The following PPIP5K2 variants were observed in gnomAD, a reference collection of about 807,000 sequenced individuals.
The protein encoded by PPIP5K2 is diphosphoinositol pentakisphosphate kinase 2.
PPIP5K2 carries 105 observed loss-of-function variants against 154.6 expected under a neutral mutation model. The observed-to-expected ratio is 0.68, with a 90% CI of 0.58 to 0.80. The LOEUF (loss-of-function observed/expected upper bound fraction) is 0.80. Ranked by LOEUF, PPIP5K2 falls within the 30% of genes least tolerant of loss-of-function variation. The probability of loss-of-function intolerance (pLI) is 0.00; values close to 1 mark genes in which losing one functional copy is unlikely to be tolerated. For synonymous variants in PPIP5K2, 480 were observed against 490.3 expected (o/e 0.98, Z 0.28); for missense variants, 992 against 1,504.6 (o/e 0.66, Z 5.64).
intron 5 of PPIP5K2, among the ~76,000 whole-genome samples, chr5:103,146,036 C>G (rs1793699793): frequency 6.6e-6 from 1 of 152,036 alleles, no homozygotes; most frequent in Middle Eastern, 3.4e-3. Context: ...TTAAAAATAA[C>G]ATTTAAAAAA....
intron 17 of PPIP5K2, among the ~76,000 whole-genome samples, chr5:103,164,680 A>G (rs1796867017): frequency 6.6e-6 from 1 of 152,166 alleles, no homozygotes; most frequent in South Asian, 2.1e-4. Flanking sequence ...AAGCATACAT[A>G]TAGATATTCT....
intron 23 of PPIP5K2, among the ~76,000 whole-genome samples, chr5:103,178,219 T>C (rs1799002542): frequency 6.6e-6 from 1 of 152,002 alleles, no homozygotes. Flanking sequence ...TTAGAATGGA[T>C]AACCTTAAAC....
rs781891210 is a variant in PPIP5K2, at chr5:103,184,752, G to A, written c.3169+8G>A. 2.5e-6 allele frequency: 4 copies of A among 1,606,236 alleles called. No individual in the cohort carries two copies. The East Asian group carries it at 6.7e-5, about 27-fold the overall frequency. The stretch of plus-strand genomic sequence containing the variant: ...AGCAGAATCCTACTGTAGGTATGTG[G>A]TGTAAAGGAAATTGTGTTCCATACC... On this transcript the variant is annotated splice_region_variant and intron_variant, in intron 26 of 30. Coordinates refer to ENST00000358359, the MANE Select transcript of PPIP5K2 (RefSeq NM_001276277.3).
intron 9 of PPIP5K2, among the ~76,000 whole-genome samples, 183 bp downstream of exon 9, chr5:103,151,557 A>G (rs781975586): frequency 7.9e-5 from 12 of 151,396 alleles, no homozygotes; most frequent in Non-Finnish European, 1.6e-4. Flanking sequence ...AAGACAGATT[A>G]ATTTATGATC....
At chr5:103,133,398 G>T (rs1554203211) in intron 2 of PPIP5K2, 55 bp from the exon 3 acceptor site, 2 of 1,472,350 alleles carry the variant, frequency 1.4e-6, no homozygotes, top group Admixed American at 2.1e-5. Context: ...GAAGATAGCT[G>T]TACTTTGGAG....
Position 103,203,463 on chromosome 5 carries a change from C to CT in PPIP5K2, c.*1830dup, listed in dbSNP as rs1180928211. 2 of 152,154 alleles carry CT rather than the reference C, an allele frequency of 1.3e-5. No individual in the cohort carries two copies. Among genetic ancestry groups the CT allele is most frequent in the Non-Finnish European group, 2.9e-5 (2 of 68,032 alleles). 9.4% of individuals were successfully genotyped at this position (152,154 alleles called of 1,614,324 possible). ...AGTATTGCTCTGTAGACTAGACACT[C>CT]TATTTGTAAAAATCTTAGAATCACT... On this transcript the variant is annotated 3_prime_UTR_variant, in exon 31 of 31. Coordinates refer to ENST00000358359, the MANE Select transcript of PPIP5K2 (RefSeq NM_001276277.3).
At chr5:103,145,762 A>T (rs1793653636) in intron 5 of PPIP5K2, among the ~76,000 whole-genome samples, 2 of 145,718 alleles carry the variant, frequency 1.4e-5, no homozygotes, top group Admixed American at 1.4e-4. Flanking sequence ...AAGTGAGGAT[A>T]GTTAGTGAGT....
intron 30 of PPIP5K2, among the ~76,000 whole-genome samples, chr5:103,198,577 CT>C (rs1451988986): frequency 6.6e-6 from 1 of 152,060 alleles, no homozygotes; most frequent in Admixed American, 6.6e-5. Context: ...TGTTTTGGAG[CT>C]CTGTTACATA....
chr5:103,126,803 T>C (rs1197070447), intron 1 of PPIP5K2, among the ~76,000 whole-genome samples: 2 of 150,898 alleles, frequency 1.3e-5, no homozygotes, highest in Non-Finnish European at 2.9e-5. Flanking sequence ...GCTGATAAGA[T>C]GGTGCCCACC....
At chr5:103,146,220 G>A (rs1793733681) in intron 5 of PPIP5K2, among the ~76,000 whole-genome samples, 1 of 151,924 alleles carries the variant, frequency 6.6e-6, no homozygotes, top group Non-Finnish European at 1.5e-5. Flanking sequence ...AGAAGATGGT[G>A]GCATTCTTGA....
intron 29 of PPIP5K2, among the ~76,000 whole-genome samples, chr5:103,191,729 AG>A (rs1801267781): frequency 6.6e-6 from 1 of 152,048 alleles, no homozygotes. Flanking sequence ...CTTCCTTTTT[AG>A]GTGTGAGAAG....
In PPIP5K2 at chr5:103,205,993, A is replaced by G. The variant is rs1187338916; in HGVS notation, c.*4359A>G. ...TAAGATCCCTTTTACTTAATAGATT[A>G]GTGTAGTCTGTTTTATGTAATGTAT... is the stretch of plus-strand genomic sequence containing the variant. On this transcript the variant is annotated 3_prime_UTR_variant, in exon 31 of 31. Coordinates refer to ENST00000358359, the MANE Select transcript of PPIP5K2 (RefSeq NM_001276277.3). 1 of 152,136 alleles carries G rather than the reference A, an allele frequency of 6.6e-6. No homozygotes were observed. The highest frequency in any genetic ancestry group is 1.5e-5 in the Non-Finnish European group (1 of 68,024). 9.4% of individuals were successfully genotyped at this position (152,136 alleles called of 1,614,324 possible).
intron 21 of PPIP5K2, among the ~76,000 whole-genome samples, chr5:103,175,759 A>G (rs1362489492): frequency 1.3e-5 from 2 of 152,048 alleles, no homozygotes; most frequent in African/African-American, 4.8e-5. Flanking sequence ...AAAAGATGTC[A>G]TTTGGACTAG....
At chr5:103,189,181 TATAG>T in intron 28 of PPIP5K2, 1 of 1,530,596 alleles carries the variant, frequency 6.5e-7, no homozygotes, top group East Asian at 2.4e-5. Context: ...CCTACACCTC[TATAG>T]GTGCTGGTCC....
intron 30 of PPIP5K2, 60 bp downstream of exon 30, chr5:103,195,085 G>A: frequency 6.3e-7 from 1 of 1,580,196 alleles, no homozygotes; most frequent in Non-Finnish European, 8.6e-7. Context: ...ATAGTAACTT[G>A]CTTTTTAAAT....
chr5:103,208,926 C>T lies in PPIP5K2; in HGVS notation c.*7292C>T, dbSNP rs1803657381. 1 of 151,950 alleles carries T rather than the reference C, an allele frequency of 6.6e-6. No individual in the cohort carries two copies. The highest frequency in any genetic ancestry group is 1.5e-5 in the Non-Finnish European group (1 of 67,998). 9.4% of individuals were successfully genotyped at this position (151,950 alleles called of 1,614,324 possible). On this transcript the variant is annotated 3_prime_UTR_variant, in exon 31 of 31. Coordinates refer to ENST00000358359, the MANE Select transcript of PPIP5K2 (RefSeq NM_001276277.3). ...TTTTTAAATTAAGACCTAATTTCTC[C>T]TTCATTTTCAAACTGGATATCATTT...
At chr5:103,144,471 C>T (rs149663207) in intron 5 of PPIP5K2, among the ~76,000 whole-genome samples, 2 of 152,058 alleles carry the variant, frequency 1.3e-5, no homozygotes, top group Non-Finnish European at 2.9e-5. Flanking sequence ...ATAGCCATAG[C>T]CAGCCTGAGC....
intron 3 of PPIP5K2, among the ~76,000 whole-genome samples, chr5:103,135,530 C>G (rs1791329311): frequency 6.6e-6 from 1 of 152,098 alleles, no homozygotes. Flanking sequence ...CTCTTGGGCT[C>G]AAGTGATCCT....
At chr5:103,194,640 C>T (rs1306268738) in intron 29 of PPIP5K2, 5 of 226,742 alleles carry the variant, frequency 2.2e-5, no homozygotes, top group South Asian at 2.0e-4. Context: ...TAAAGTCTGT[C>T]GCTCTATTCT....
Sources: gnomAD v4.1 joint callset for allele counts (sites outside exome capture counted in the v4.1 genomes callset) on GRCh38, gnomAD v4.1.1 for gene constraint, MANE v1.5 for transcripts, NCBI Gene and HGNC (gene_info 2026-07-23, HGNC 2026-07-21) for gene names.